The following HSD17B12 variants were observed in gnomAD, a reference collection of about 807,000 sequenced individuals.
HSD17B12 encodes very-long-chain 3-oxoacyl-CoA reductase.
Under a neutral mutation model 39.3 loss-of-function variants are expected in HSD17B12, and 32 were observed. The ratio of observed to expected loss-of-function variants is 0.81; its 90% confidence interval spans 0.61 to 1.09. The LOEUF (loss-of-function observed/expected upper bound fraction) is 1.09. Ranked by LOEUF, HSD17B12 falls within the 50% of genes least tolerant of loss-of-function variation. The pLI, the probability that HSD17B12 is intolerant of heterozygous loss-of-function variation, is 0.00. For missense variants in HSD17B12, 342 were observed against 382.9 expected, an observed-to-expected ratio of 0.89 and a Z score of 0.89; for synonymous variants, 150 against 146.7, an observed-to-expected ratio of 1.02 and a Z score of -0.16.
At chr11:43,808,407 A>G (rs1951039079) in intron 4 of HSD17B12, among the ~76,000 whole-genome samples, 1 of 152,096 alleles carries the variant, frequency 6.6e-6, no homozygotes, top group South Asian at 2.1e-4. Context: ...AAGTGAGCAT[A>G]GGACTTCTAG....
intron 4 of HSD17B12, among the ~76,000 whole-genome samples, chr11:43,813,366 A>G (rs1413461475): frequency 6.6e-6 from 1 of 152,170 alleles, no homozygotes; most frequent in Non-Finnish European, 1.5e-5. Flanking sequence ...GAAATATAGC[A>G]TTAATATTCC....
At chr11:43,609,693 C>G in the HSD17B12 span, among the ~76,000 whole-genome samples, 1 of 152,060 alleles carries the variant, frequency 6.6e-6, no homozygotes, top group African/African-American at 2.4e-5. Flanking sequence ...GATCCTACAC[C>G]CTGTCTGGTA....
At chr11:43,575,020 C>T in the HSD17B12 span, among the ~76,000 whole-genome samples, 2 of 152,210 alleles carry the variant, frequency 1.3e-5, no homozygotes, top group East Asian at 3.9e-4. This position sits in a 1 kb window ranked among gnomAD's most constrained non-coding sequence, Gnocchi z 4.1. Context: ...CGCTCCCCAC[C>T]GCCAGAACTG....
At chr11:43,656,718 A>G in the HSD17B12 span, among the ~76,000 whole-genome samples, 1 of 152,002 alleles carries the variant, frequency 6.6e-6, no homozygotes, top group East Asian at 1.9e-4. Context: ...GTTTTGAGTG[A>G]CTTTCTTAAT....
the HSD17B12 span, chr11:43,645,259 G>A: frequency 6.6e-6 from 1 of 152,106 alleles, no homozygotes; most frequent in Non-Finnish European, 1.5e-5. Flanking sequence ...CTGTCTACAC[G>A]AATTGGACCT....
chr11:43,720,082 A>G (rs764281245), intron 1 of HSD17B12, among the ~76,000 whole-genome samples: 51 of 152,218 alleles, frequency 3.4e-4, no homozygotes, highest in Non-Finnish European at 5.9e-4. Flanking sequence ...AGAAGGGTCT[A>G]TATTTTCAAG....
At chr11:43,798,979 T>C (rs1179737896) in intron 4 of HSD17B12, among the ~76,000 whole-genome samples, 1 of 152,170 alleles carries the variant, frequency 6.6e-6, no homozygotes, top group Non-Finnish European at 1.5e-5. Context: ...CGTCACTGGT[T>C]GAATCCATGA....
chr11:43,631,405 A>G, the HSD17B12 span, among the ~76,000 whole-genome samples: 1 of 152,218 alleles, frequency 6.6e-6, no homozygotes, highest in Non-Finnish European at 1.5e-5. Flanking sequence ...TTTCCAGAAC[A>G]TGTCCCATCC....
chr11:43,760,318 G>C (rs546637306), intron 3 of HSD17B12, among the ~76,000 whole-genome samples: 7 of 152,026 alleles, frequency 4.6e-5, no homozygotes, highest in Non-Finnish European at 8.8e-5. Flanking sequence ...CCAAAGTGCT[G>C]GGCTTATACA....
intron 1 of HSD17B12, among the ~76,000 whole-genome samples, chr11:43,700,619 A>G (rs1298893195): frequency 1.3e-5 from 2 of 152,144 alleles, no homozygotes; most frequent in Non-Finnish European, 2.9e-5. Context: ...ATTTCACTTG[A>G]TACATGATCT....
the HSD17B12 span, among the ~76,000 whole-genome samples, chr11:43,623,236 C>T: frequency 6.6e-5 from 10 of 152,046 alleles, no homozygotes; most frequent in Non-Finnish European, 1.0e-4. Context: ...ATGCAGGATT[C>T]CATGAAAGTC....
intron 1 of HSD17B12, among the ~76,000 whole-genome samples, chr11:43,708,495 G>A (rs1272548006): frequency 6.6e-6 from 1 of 152,052 alleles, no homozygotes; most frequent in East Asian, 1.9e-4. Flanking sequence ...TCCCCCATTG[G>A]ATCAACTCTA....
intron 3 of HSD17B12, among the ~76,000 whole-genome samples, chr11:43,794,878 A>C (rs147425367): frequency 1.2e-4 from 19 of 152,314 alleles, no homozygotes; most frequent in African/African-American, 4.6e-4. Flanking sequence ...ACTCTGGAAA[A>C]AAGAGAGAGG....
the HSD17B12 span, chr11:43,581,250 A>G: frequency 6.6e-3 from 2,992 of 452,602 alleles, 70 homozygotes; most frequent in African/African-American, 0.055. The surrounding 1 kb of genome is among the most constrained non-coding windows in gnomAD (Gnocchi z 4.9). Flanking sequence ...ACACGAGTCC[A>G]GGGGCGCGGA....
At chr11:43,746,449 C>T (rs1462926353) in intron 1 of HSD17B12, among the ~76,000 whole-genome samples, 1 of 152,016 alleles carries the variant, frequency 6.6e-6, no homozygotes, top group Non-Finnish European at 1.5e-5. Flanking sequence ...AGGTCAGGAT[C>T]CTCAATATCA....
intron 3 of HSD17B12, among the ~76,000 whole-genome samples, chr11:43,780,581 T>C (rs111252049): frequency 8.7e-4 from 133 of 152,322 alleles, no homozygotes; most frequent in African/African-American, 3.1e-3. Flanking sequence ...ATCTCATATG[T>C]ATTGTTTTTA....
In HSD17B12 at chr11:43,826,071, C is replaced by CT. The variant is rs1477238353; in HGVS notation, c.502-4896dup. Among the ~76,000 whole-genome samples the CT allele has an allele frequency of 2.2e-4, 17 of 77,938 alleles. 1 individual carries two copies. Among genetic ancestry groups the CT allele is most frequent in the South Asian group, 9.7e-4 (2 of 2,062 alleles). The allele number at this position is 77,938 out of a possible 152,430, so 51.1% of individuals were successfully genotyped here. A position where few individuals can be genotyped will look rare whatever the true frequency, so the allele number is the denominator to read the frequency against. On this transcript the variant is annotated intron_variant, in intron 6 of 10. Transcript: ENST00000278353. ...AACTGTGTATGATTGTATATGCAGT[C>CT]TTTTTTTTTCTTTTTTTTTTTTTTT...
the HSD17B12 span, among the ~76,000 whole-genome samples, chr11:43,650,599 A>T: frequency 6.6e-6 from 1 of 152,200 alleles, no homozygotes. Flanking sequence ...GTTCCTGGGT[A>T]TATGGCCTCA....
chr11:43,750,859 A>C lies in HSD17B12; in HGVS notation c.161-52A>C, dbSNP rs147068487. On this transcript the variant is annotated intron_variant, in intron 1 of 10. Coordinates refer to ENST00000278353, the MANE Select transcript of HSD17B12 (RefSeq NM_016142.3). The stretch of plus-strand genomic sequence containing the variant: ...TAATTGGTGGGTCCTAACTATGACC[A>C]ATTCCTCAATGTAATTCTTAGACTA... 4.6e-4 allele frequency: 622 copies of C among 1,348,806 alleles called. 4 individuals carry two copies. In the African/African-American group the frequency reaches 8.1e-3, roughly 18 times the overall value. The allele number at this position is 1,348,806 out of a possible 1,614,324, so 83.6% of individuals were successfully genotyped here. A position where few individuals can be genotyped will look rare whatever the true frequency, so the allele number is the denominator to read the frequency against.
Sources: allele counts gnomAD v4.1 joint callset (sites outside exome capture counted in the v4.1 genomes callset), GRCh38; gene constraint gnomAD v4.1.1; non-coding constraint Gnocchi (gnomAD v3.1); transcripts MANE v1.5; gene names NCBI Gene and HGNC (gene_info 2026-07-23, HGNC 2026-07-21).